The following MYL9 variants were observed in gnomAD, a reference collection of about 807,000 sequenced individuals.
MYL9 encodes the protein myosin regulatory light polypeptide 9.
A neutral mutation model predicts 12.8 loss-of-function variants in MYL9; 7 were observed. The observed-to-expected ratio is 0.55, with a 90% CI of 0.31 to 1.03. The LOEUF is 1.03. MYL9 is among the 50% of genes least tolerant of loss of function. The pLI is 0.05. For missense variants in MYL9, 190 were observed against 242.7 expected (o/e 0.78, Z 1.44); for synonymous variants, 81 against 87.8 (o/e 0.92, Z 0.43).
At chr20:36,545,268 C>A (rs548789290) in intron 2 of MYL9, among the ~76,000 whole-genome samples, 200 bp downstream of exon 2, 1 of 151,996 alleles carries the variant, frequency 6.6e-6, no homozygotes, top group Non-Finnish European at 1.5e-5. Context: ...GAGGCCAAGG[C>A]GGGCGGATCA....
In MYL9 at chr20:36,549,160, C is replaced by T. The variant is rs2038140056; in HGVS notation, c.430C>T (p.Arg144Trp). The change falls in exon 4 of 4, where the codon CGG becomes TGG. Residue 144 changes from arginine to tryptophan, a missense_variant. By Grantham distance (101) the Arg-to-Trp change is moderately radical. Coordinates refer to ENST00000279022, the MANE Select transcript of MYL9 (RefSeq NM_006097.5). ...FTDEEVDEMY[R>W]EAPIDKKGNF... Reference sequence around the variant, plus strand: ...AGATGAGGAAGTGGACGAGATGTACCGGGAGGCACCCATTGATAAGAAAGG... The same window carrying T: ...AGATGAGGAAGTGGACGAGATGTACTGGGAGGCACCCATTGATAAGAAAGG... 1 of 1,613,822 alleles carries T rather than the reference C, an allele frequency of 6.2e-7. No homozygotes were observed. The highest frequency in any genetic ancestry group is 8.5e-7 in the Non-Finnish European group (1 of 1,179,974).
In MYL9 at chr20:36,544,016, G is replaced by A. The variant is rs571909110; in HGVS notation, c.-26-843G>A. Among the ~76,000 whole-genome samples the A allele has an allele frequency of 1.3e-5, 2 of 152,306 alleles. 1 individual carries two copies. The highest frequency in any genetic ancestry group is 4.1e-4 in the South Asian group (2 of 4,826). Reference sequence around the variant, plus strand: ...GGACCCAGACTTGCTCTGAGGGGCGGCAGGAACCTTCAAGGGCTTCACAAT... The same window carrying A: ...GGACCCAGACTTGCTCTGAGGGGCGACAGGAACCTTCAAGGGCTTCACAAT... On this transcript the variant is annotated intron_variant, in intron 1 of 3. Coordinates refer to ENST00000279022, the MANE Select transcript of MYL9 (RefSeq NM_006097.5).
At chr20:36,545,206 A>G in intron 2 of MYL9, 138 bp downstream of exon 2, 1 of 1,066,430 alleles carries the variant, frequency 9.4e-7, no homozygotes. Flanking sequence ...TCCATTCAAC[A>G]GGGAAACTGG....
At chr20:36,545,797 C>T (rs910675085) in intron 2 of MYL9, among the ~76,000 whole-genome samples, 1 of 151,354 alleles carries the variant, frequency 6.6e-6, no homozygotes, top group Non-Finnish European at 1.5e-5. Context: ...GGCGTGGTGG[C>T]GGGCGCCAGC....
chr20:36,547,350 G>A (rs1446903698), intron 2 of MYL9, among the ~76,000 whole-genome samples: 3 of 152,242 alleles, frequency 2.0e-5, no homozygotes, highest in South Asian at 4.1e-4. Flanking sequence ...GAGGCTCAGA[G>A]AGGTTAAGTA....
intron 1 of MYL9, among the ~76,000 whole-genome samples, 184 bp downstream of exon 1, chr20:36,541,745 C>G (rs76042554): frequency 6.6e-6 from 1 of 152,312 alleles, no homozygotes; most frequent in South Asian, 2.1e-4. Flanking sequence ...TGCTGGGGGC[C>G]GACAGGGACT....
chr20:36,542,054 G>T (rs1366981661), intron 1 of MYL9, among the ~76,000 whole-genome samples: 3 of 152,226 alleles, frequency 2.0e-5, no homozygotes, highest in East Asian at 3.9e-4. Flanking sequence ...CTACACCCTG[G>T]GCCAGGGGAA....
intron 1 of MYL9, among the ~76,000 whole-genome samples, chr20:36,542,765 G>A (rs2038052318): frequency 1.3e-5 from 2 of 152,202 alleles, no homozygotes; most frequent in African/African-American, 4.8e-5. Flanking sequence ...TGCACCATGG[G>A]GGCACCCCTG....
At chr20:36,547,903 T>C (rs2038119323) in intron 2 of MYL9, 129 bp from the exon 3 acceptor site, 1 of 1,182,436 alleles carries the variant, frequency 8.5e-7, no homozygotes, top group Admixed American at 3.0e-5. Flanking sequence ...GCTTTCCAGT[T>C]CACAAAACCC....
At position 36,548,050 on chromosome 20, in the gene MYL9, A is replaced by T; in HGVS notation, c.203A>T (p.Glu68Val). 1 of 1,612,024 alleles carries T rather than the reference A, an allele frequency of 6.2e-7. No homozygotes were observed. The highest frequency in any genetic ancestry group is 8.5e-7 in the Non-Finnish European group (1 of 1,178,724). Residue 68 changes from glutamate to valine, a missense_variant, in exon 3 of 4, where the codon GAA (glutamate) becomes GTA (valine). By Grantham distance (121) the Glu-to-Val change is moderately radical. Transcript: ENST00000279022. ...LASLGKNPTD[E>V]YLEGMMSEAP... The stretch of plus-strand genomic sequence containing the variant: ...GCCACAGGGAAGAACCCCACAGACG[A>T]ATACCTGGAGGGCATGATGAGCGAG...
chr20:36,541,857 G>A (rs1166866071), intron 1 of MYL9, among the ~76,000 whole-genome samples: 1 of 152,190 alleles, frequency 6.6e-6, no homozygotes, highest in Non-Finnish European at 1.5e-5. Context: ...CTTTGCTGAG[G>A]AGCTGGAGAT....
At chr20:36,546,702 C>T (rs2038104806) in intron 2 of MYL9, among the ~76,000 whole-genome samples, 1 of 151,950 alleles carries the variant, frequency 6.6e-6, no homozygotes, top group Non-Finnish European at 1.5e-5. Flanking sequence ...CTCCGTCTCC[C>T]AGGTTCAAGA....
In MYL9 at chr20:36,549,348, C is replaced by A; in HGVS notation, c.*99C>A. The A allele has an allele frequency of 1.8e-6, 2 of 1,140,374 alleles. No individual in the cohort carries two copies. The highest frequency in any genetic ancestry group is 1.2e-6 in the Non-Finnish European group (1 of 803,684). 70.6% of individuals were successfully genotyped at this position (1,140,374 alleles called of 1,614,324 possible). On this transcript the variant is annotated 3_prime_UTR_variant, in exon 4 of 4. Coordinates refer to ENST00000279022, the MANE Select transcript of MYL9 (RefSeq NM_006097.5). ...CTGCCCATGACCCTCGCTCAGGGAT[C>A]CCCCTTTGAGGGGTTAGGGTCCCAG...
chr20:36,548,729 C>T (rs1044899290), intron 3 of MYL9, among the ~76,000 whole-genome samples: 1 of 152,228 alleles, frequency 6.6e-6, no homozygotes, highest in African/African-American at 2.4e-5. Flanking sequence ...GGAATCAGCA[C>T]TGCAACTCAG....
At chr20:36,543,361 T>C (rs537851953) in intron 1 of MYL9, among the ~76,000 whole-genome samples, 1 of 152,016 alleles carries the variant, frequency 6.6e-6, no homozygotes, top group Non-Finnish European at 1.5e-5. Flanking sequence ...AACAGAGTCA[T>C]GGGAGGAAGG....
Position 36,549,063 on chromosome 20 carries a change from G to A in MYL9, c.347-14G>A. ...CCAAGTTCCTGCTCTCACCCACCCT[G>A]CCCCTGCCCGCAGGTTTCATCCATG... On this transcript the variant is annotated splice_polypyrimidine_tract_variant and intron_variant, in intron 3 of 3. Transcript: ENST00000279022. 6.2e-7 allele frequency: 1 copy of A among 1,610,280 alleles called. No individual in the cohort carries two copies. Among genetic ancestry groups the A allele is most frequent in the Non-Finnish European group, 8.5e-7 (1 of 1,178,578 alleles).
intron 1 of MYL9, 111 bp from the exon 2 acceptor site, chr20:36,544,748 C>T (rs1475082677): frequency 4.7e-6 from 4 of 846,368 alleles, no homozygotes; most frequent in Admixed American, 2.9e-5. Flanking sequence ...GCCCCAAATC[C>T]GTGGGCAGCC....
intron 2 of MYL9, among the ~76,000 whole-genome samples, chr20:36,546,145 T>C (rs1286750662): frequency 6.6e-6 from 1 of 152,152 alleles, no homozygotes; most frequent in East Asian, 1.9e-4. Context: ...TCCAATTCTC[T>C]ACTGCAGATG....
At chr20:36,545,757 C>T (rs576501477) in intron 2 of MYL9, among the ~76,000 whole-genome samples, 267 of 151,492 alleles carry the variant, frequency 1.8e-3, no homozygotes, top group Admixed American at 3.0e-3. Flanking sequence ...GGTGAAACCC[C>T]GTCTCTACTA....
Sources: allele counts gnomAD v4.1 joint callset (sites outside exome capture counted in the v4.1 genomes callset), GRCh38; gene constraint gnomAD v4.1.1; transcripts MANE v1.5; gene names NCBI Gene and HGNC (gene_info 2026-07-23, HGNC 2026-07-21).